Variants in MX1 observed in about 807,000 individuals in gnomAD.
The protein encoded by MX1 is interferon-induced GTP-binding protein Mx1.
Under a neutral mutation model 66.4 loss-of-function variants are expected in MX1, and 66 were observed. The ratio of observed to expected loss-of-function variants is 0.99; its 90% confidence interval spans 0.82 to 1.22. MX1 has a LOEUF of 1.22. MX1 is among the 50% of genes most tolerant of loss of function. The pLI is 0.00. For missense variants in MX1, 787 were observed against 834.3 expected, an observed-to-expected ratio of 0.94 and a Z score of 0.70; for synonymous variants, 311 against 318.1, an observed-to-expected ratio of 0.98 and a Z score of 0.24.
rs1021234120 is a variant in MX1 at position 41,458,890 on chromosome 21, G to A, written c.*132G>A. Reference sequence around the variant, plus strand: ...CGTCTCTGCTTATCCGTTAGCCGTGGTGATTTAGCAGGAAGCTGTGAGAGC... The same window carrying A: ...CGTCTCTGCTTATCCGTTAGCCGTGATGATTTAGCAGGAAGCTGTGAGAGC... On this transcript the variant is annotated 3_prime_UTR_variant, in exon 17 of 17. Transcript: ENST00000398598. 7.7e-6 allele frequency: 11 copies of A among 1,426,782 alleles called. No homozygotes were observed. The highest frequency in any genetic ancestry group is 3.0e-5 in the South Asian group (2 of 67,704). 88.4% of individuals were successfully genotyped at this position (1,426,782 alleles called of 1,614,324 possible).
intron 7 of MX1, among the ~76,000 whole-genome samples, chr21:41,438,994 A>G (rs2090435500): frequency 6.6e-6 from 1 of 152,152 alleles, no homozygotes; most frequent in Admixed American, 6.6e-5. Flanking sequence ...GAAGTTGCAC[A>G]TAACATTTTC....
At chr21:41,437,449 G>A (rs1160244243) in intron 7 of MX1, among the ~76,000 whole-genome samples, 1 of 151,504 alleles carries the variant, frequency 6.6e-6, no homozygotes, top group Non-Finnish European at 1.5e-5. Context: ...GACCAGCCAG[G>A]GCAACATAGT....
chr21:41,447,958 G>A (rs1035091670), intron 13 of MX1, among the ~76,000 whole-genome samples: 2 of 152,232 alleles, frequency 1.3e-5, no homozygotes, highest in Non-Finnish European at 2.9e-5. Flanking sequence ...TCGACCTCCT[G>A]ACCTCAGGTG....
At chr21:41,440,771 TG>T in intron 8 of MX1, 115 bp from the exon 9 acceptor site, 2 of 1,222,412 alleles carry the variant, frequency 1.6e-6, no homozygotes, top group African/African-American at 1.5e-5. Context: ...TTACTTCTTT[TG>T]GGGGAAATAC....
chr21:41,452,355 C>T (rs958014087), intron 15 of MX1, among the ~76,000 whole-genome samples: 2 of 152,208 alleles, frequency 1.3e-5, no homozygotes, highest in Non-Finnish European at 2.9e-5. Context: ...GTTACGGGGC[C>T]TGAAAGCAAG....
chr21:41,443,551 T>G, intron 10 of MX1: 1 of 542,058 alleles, frequency 1.8e-6, no homozygotes, highest in Non-Finnish European at 3.3e-6. Flanking sequence ...ATGATACACA[T>G]TTATTATATC....
upstream of MX1, among the ~76,000 whole-genome samples, chr21:41,422,287 C>T (rs535391964): frequency 2.0e-5 from 3 of 152,298 alleles, no homozygotes; most frequent in South Asian, 2.1e-4. Flanking sequence ...TTTACAAATG[C>T]CATGGCAATG....
At chr21:41,440,228 G>C (rs998038976) in intron 8 of MX1, among the ~76,000 whole-genome samples, 1 of 152,210 alleles carries the variant, frequency 6.6e-6, no homozygotes, top group African/African-American at 2.4e-5. Context: ...GCCACACACA[G>C]TGGCTCAGTC....
chr21:41,433,673 G>T (rs1253981797), intron 5 of MX1, among the ~76,000 whole-genome samples: 1 of 152,188 alleles, frequency 6.6e-6, no homozygotes, highest in Admixed American at 6.5e-5. Context: ...AGGATGTGAT[G>T]ATTGCAAGCC....
At chr21:41,432,527 A>G (rs2090248482) in intron 5 of MX1, among the ~76,000 whole-genome samples, 2 of 152,210 alleles carry the variant, frequency 1.3e-5, no homozygotes, top group Admixed American at 1.3e-4. Context: ...ACCCTGGGGC[A>G]TCATTAAGAT....
At chr21:41,431,145 C>A (rs2090200070) in intron 4 of MX1, among the ~76,000 whole-genome samples, 1 of 152,202 alleles carries the variant, frequency 6.6e-6, no homozygotes, top group African/African-American at 2.4e-5. Context: ...GCCTCAGCCT[C>A]CCAAGTAGCT....
Position 41,441,749 on chromosome 21 carries a change from G to A in MX1, c.764G>A (p.Gly255Glu), listed in dbSNP as rs370213780. 46 of 1,614,066 alleles carry A rather than the reference G, an allele frequency of 2.8e-5. No homozygotes were observed. In the East Asian group the frequency reaches 3.1e-4, roughly 11 times the overall value. The change falls in exon 10 of 17, where the codon GGA becomes GAA. Residue 255 changes from glycine to glutamate, a missense_variant. Coordinates refer to ENST00000398598, the MANE Select transcript of MX1 (RefSeq NM_002462.5). This position sits in a 1 kb window ranked among gnomAD's most constrained non-coding sequence, Gnocchi z 4.0. ...ACGAAGCCTGATCTGGTGGACAAAG[G>A]AACTGAAGACAAGGTTGTGGACGTG... ...ILTKPDLVDK[G>E]TEDKVVDVVR...
intron 16 of MX1, among the ~76,000 whole-genome samples, chr21:41,453,777 G>A (rs2090892394): frequency 6.6e-6 from 1 of 152,118 alleles, no homozygotes; most frequent in African/African-American, 2.4e-5. Context: ...TCCCTAAAGA[G>A]GCAGGACACC....
chr21:41,452,057 A>G (rs1175837132), intron 15 of MX1, among the ~76,000 whole-genome samples: 1 of 152,040 alleles, frequency 6.6e-6, no homozygotes, highest in Admixed American at 6.5e-5. Context: ...CATTCATAAA[A>G]GAAGACTGAT....
Position 41,441,682 on chromosome 21 carries a change from G to A in MX1, c.731-34G>A. The A allele has an allele frequency of 6.2e-7, 1 of 1,611,258 alleles. No homozygotes were observed. Among genetic ancestry groups the A allele is most frequent in the Non-Finnish European group, 8.5e-7 (1 of 1,177,466 alleles). ...TCGTTCACCTCTGCCTCGTGACTGA[G>A]CACGTTCTCTCCCCAAATACATCTG... On this transcript the variant is annotated intron_variant, in intron 9 of 16. Coordinates refer to ENST00000398598, the MANE Select transcript of MX1 (RefSeq NM_002462.5). The surrounding 1 kb of genome is among the most constrained non-coding windows in gnomAD (Gnocchi z 4.0).
chr21:41,430,801 A>G (rs1211726017), intron 4 of MX1, among the ~76,000 whole-genome samples, 193 bp downstream of exon 4: 1 of 152,228 alleles, frequency 6.6e-6, no homozygotes, highest in African/African-American at 2.4e-5. Context: ...GCAGTCAGTT[A>G]CATGCTTTCA....
intron 13 of MX1, among the ~76,000 whole-genome samples, chr21:41,448,447 T>C (rs557757892): frequency 6.6e-6 from 1 of 152,340 alleles, no homozygotes; most frequent in South Asian, 2.1e-4. Context: ...GAGTGTATTA[T>C]GGTACAATTT....
chr21:41,444,660 G>A lies in MX1; in HGVS notation c.1009-788G>A, dbSNP rs1367308461. 2.0e-5 allele frequency among the ~76,000 whole-genome samples: 3 copies of A among 152,056 alleles called. No homozygotes were observed. The East Asian group carries it at 5.8e-4, about 29-fold the overall frequency. On this transcript the variant is annotated intron_variant, in intron 11 of 16. Coordinates refer to ENST00000398598, the MANE Select transcript of MX1 (RefSeq NM_002462.5). ...CCATGATGAGTGCAGAGCTCTCTGGGGTCCCACTGTATGCAGAAAGAGGAT... is the reference window on the plus strand; with the variant it reads ...CCATGATGAGTGCAGAGCTCTCTGGAGTCCCACTGTATGCAGAAAGAGGAT...
Position 41,458,988 on chromosome 21 carries a change from T to G in MX1, c.*230T>G, listed in dbSNP as rs1001021927. ...GAGCTGGCGGGATTGAAGGATGCTG[T>G]CTTCGTACTGGGAAAGGGATTTTCA... On this transcript the variant is annotated 3_prime_UTR_variant, in exon 17 of 17. Coordinates refer to ENST00000398598, the MANE Select transcript of MX1 (RefSeq NM_002462.5). 1 of 701,476 alleles carries G rather than the reference T, an allele frequency of 1.4e-6. No homozygotes were observed. Among genetic ancestry groups the G allele is most frequent in the Non-Finnish European group, 2.3e-6 (1 of 440,554 alleles). 43.5% of individuals were successfully genotyped at this position (701,476 alleles called of 1,614,324 possible). A position where few individuals can be genotyped will look rare whatever the true frequency, so the allele number is the denominator to read the frequency against.
Sources: gnomAD v4.1 joint callset for allele counts (sites outside exome capture counted in the v4.1 genomes callset) on GRCh38, gnomAD v4.1.1 for gene constraint, Gnocchi (gnomAD v3.1) non-coding constraint, MANE v1.5 for transcripts, NCBI Gene and HGNC (gene_info 2026-07-23, HGNC 2026-07-21) for gene names.